CNOT2: variants seen among roughly 807,000 people sequenced by gnomAD.
The protein encoded by CNOT2 is CC chemokine receptor 4-negative regulator of transcription 2.
CNOT2 carries 7 observed loss-of-function variants against 72.1 expected under a neutral mutation model. The ratio of observed to expected loss-of-function variants is 0.10; its 90% confidence interval spans 0.06 to 0.18. The LOEUF (loss-of-function observed/expected upper bound fraction) is 0.18. CNOT2 is among the 10% of genes least tolerant of loss of function. CNOT2 has a pLI of 1.00. For synonymous variants in CNOT2, 196 were observed against 225.6 expected, an observed-to-expected ratio of 0.87 and a Z score of 1.17; for missense variants, 345 against 660.3, an observed-to-expected ratio of 0.52 and a Z score of 5.23.
chr12:70,329,963 G>A (rs1327662959), intron 5 of CNOT2, among the ~76,000 whole-genome samples: 1 of 151,980 alleles, frequency 6.6e-6, no homozygotes, highest in African/African-American at 2.4e-5. Context: ...TATACATTTA[G>A]TATGCAGAGG....
chr12:70,291,026 G>C (rs1362239630), intron 2 of CNOT2, among the ~76,000 whole-genome samples: 2 of 152,066 alleles, frequency 1.3e-5, no homozygotes, highest in African/African-American at 4.8e-5. Context: ...AAACAGTACA[G>C]GTCAGTAAAT....
intron 10 of CNOT2, 49 bp downstream of exon 10, chr12:70,338,612 T>G (rs1294037393): frequency 1.3e-6 from 2 of 1,597,328 alleles, no homozygotes; most frequent in Admixed American, 3.6e-5. Flanking sequence ...TGCTTTTTTT[T>G]CTATTTTTTA....
intron 1 of CNOT2, among the ~76,000 whole-genome samples, chr12:70,265,273 TTC>T (rs946033660): frequency 1.6e-5 from 2 of 125,382 alleles, no homozygotes; most frequent in African/African-American, 5.6e-5. Flanking sequence ...TTCGTTTTGT[TTC>T]TTCTCTTCTC....
intron 2 of CNOT2, among the ~76,000 whole-genome samples, chr12:70,285,070 G>C (rs2135836626): frequency 6.6e-6 from 1 of 152,254 alleles, no homozygotes; most frequent in Admixed American, 6.5e-5. Flanking sequence ...CAGAAAAATA[G>C]TTTACATTTA....
At position 70,244,355 on chromosome 12, in the gene CNOT2, A is replaced by T. The variant is rs191545457; in HGVS notation, c.-96+875A>T. On this transcript the variant is annotated intron_variant, in intron 1 of 15. Transcript: ENST00000229195. Reference sequence around the variant, plus strand: ...TCGCTTAAAAGTTTAACAGAAGAAAAGAGTAGGGTTAAAAGAGGCCTTTGT... The same window carrying T: ...TCGCTTAAAAGTTTAACAGAAGAAATGAGTAGGGTTAAAAGAGGCCTTTGT... 1.7e-4 allele frequency: 26 copies of T among 152,304 alleles called. No individual in the cohort carries two copies. The East Asian group carries it at 3.7e-3, about 21-fold the overall frequency. The allele number at this position is 152,304 out of a possible 1,614,324, so 9.4% of individuals were successfully genotyped here.
chr12:70,348,796 G>C (rs1202522172), intron 15 of CNOT2, among the ~76,000 whole-genome samples: 3 of 151,644 alleles, frequency 2.0e-5, no homozygotes, highest in Non-Finnish European at 4.4e-5. Context: ...TCCTCAGTCA[G>C]GTAAATGTCA....
At chr12:70,304,979 C>T (rs1263118621) in intron 2 of CNOT2, among the ~76,000 whole-genome samples, 3 of 152,166 alleles carry the variant, frequency 2.0e-5, no homozygotes, top group African/African-American at 4.8e-5. Flanking sequence ...GAGCCAGGTG[C>T]GGGATATAAT....
chr12:70,326,471 T>C (rs992088011), intron 4 of CNOT2, among the ~76,000 whole-genome samples: 5 of 151,654 alleles, frequency 3.3e-5, no homozygotes, highest in African/African-American at 1.2e-4. Flanking sequence ...TTTCTTTTTT[T>C]CAGCTGTATG....
At chr12:70,264,578 G>A (rs1180190362) in intron 1 of CNOT2, among the ~76,000 whole-genome samples, 2 of 152,144 alleles carry the variant, frequency 1.3e-5, no homozygotes, top group South Asian at 2.1e-4. Context: ...GGCCTGTCAT[G>A]TTTACGGTAG....
At chr12:70,318,372 AT>A (rs1028206089) in intron 3 of CNOT2, among the ~76,000 whole-genome samples, 1 of 151,274 alleles carries the variant, frequency 6.6e-6, no homozygotes, top group African/African-American at 2.4e-5. Context: ...ACAAATCTTT[AT>A]TTTTTTTAAC....
intron 11 of CNOT2, among the ~76,000 whole-genome samples, chr12:70,341,450 C>G (rs538378498): frequency 6.6e-6 from 1 of 152,260 alleles, no homozygotes; most frequent in Non-Finnish European, 1.5e-5. Flanking sequence ...TGAAACCTAA[C>G]TGACCACCCT....
chr12:70,310,895 G>A lies in CNOT2; in HGVS notation c.49G>A (p.Val17Met), dbSNP rs1283955754. The part of the protein sequence containing the change: ...HTLSEKRNYQ[V>M]TNSMFGASRK... ...TGATAAAAGTAATATTTTTGTTTAG[G>A]TGACAAACAGCATGTTTGGTGCTTC... is the stretch of plus-strand genomic sequence containing the variant. Residue 17 changes from valine (V) to methionine (M), a missense_variant and splice_region_variant, in exon 3 of 16, where the codon GTG becomes ATG. Around this residue, in one of 4 missense-constraint regions of CNOT2, gnomAD observed 157 missense variants for 235.3 expected, o/e 0.67. Coordinates refer to ENST00000229195, the MANE Select transcript of CNOT2 (RefSeq NM_014515.7). The A allele has an allele frequency of 6.2e-7, 1 of 1,610,776 alleles. No homozygotes were observed. The highest frequency in any genetic ancestry group is 8.5e-7 in the Non-Finnish European group (1 of 1,177,986).
At chr12:70,348,773 C>T (rs1020518160) in intron 15 of CNOT2, among the ~76,000 whole-genome samples, 8 of 151,768 alleles carry the variant, frequency 5.3e-5, no homozygotes, top group Admixed American at 3.9e-4. Context: ...CTTTAATTTC[C>T]AGCAAAAGCA....
At chr12:70,246,165 C>T (rs1030705508) in intron 1 of CNOT2, among the ~76,000 whole-genome samples, 3 of 152,072 alleles carry the variant, frequency 2.0e-5, no homozygotes, top group Admixed American at 1.3e-4. Flanking sequence ...AAGAACTTAG[C>T]TTACAATTTA....
At chr12:70,332,722 T>C (rs780196664) in intron 6 of CNOT2, 45 bp from the exon 7 acceptor site, 1 of 1,543,236 alleles carries the variant, frequency 6.5e-7, no homozygotes, top group Non-Finnish European at 8.7e-7. Context: ...CATCTGAAAG[T>C]TAGTGTTCTT....
chr12:70,343,927 T>A, intron 13 of CNOT2: 1 of 442,982 alleles, frequency 2.3e-6, no homozygotes. Flanking sequence ...AATAATTGTT[T>A]AAATGACTTC....
intron 2 of CNOT2, among the ~76,000 whole-genome samples, chr12:70,289,648 C>G (rs918714378): frequency 6.6e-6 from 1 of 151,890 alleles, no homozygotes; most frequent in East Asian, 1.9e-4. Flanking sequence ...TCTCACCATG[C>G]TTTAGTTAGG....
chr12:70,269,736 T>TA (rs1039456134), intron 1 of CNOT2, among the ~76,000 whole-genome samples: 1 of 152,172 alleles, frequency 6.6e-6, no homozygotes, highest in Non-Finnish European at 1.5e-5. Flanking sequence ...AAGGAAATAC[T>TA]AAATTTCAGT....
intron 14 of CNOT2, 166 bp from the exon 15 acceptor site, chr12:70,346,014 C>T: frequency 1.9e-6 from 1 of 518,266 alleles, no homozygotes; most frequent in Non-Finnish European, 3.3e-6. Context: ...TTCTATATTT[C>T]AATGCGGTTG....
Sources: gnomAD v4.1 joint callset for allele counts (sites outside exome capture counted in the v4.1 genomes callset) on GRCh38, gnomAD v4.1.1 for gene constraint, gnomAD v4.1.1 regional missense constraint, MANE v1.5 for transcripts, NCBI Gene and HGNC (gene_info 2026-07-23, HGNC 2026-07-21) for gene names.